The following FUS variants were observed in gnomAD, a reference collection of about 807,000 sequenced individuals.
The protein encoded by FUS is RNA-binding protein FUS.
FUS carries 5 observed loss-of-function variants against 82.7 expected under a neutral mutation model. The observed-to-expected ratio is 0.06, with a 90% CI of 0.03 to 0.13. The LOEUF (loss-of-function observed/expected upper bound fraction) is 0.13. FUS is among the 10% of genes least tolerant of loss of function. The pLI is 1.00. For synonymous variants in FUS, 281 were observed against 247.4 expected (o/e 1.14, Z -1.27); for missense variants, 512 against 707.8 (o/e 0.72, Z 3.14).
In FUS at chr16:31,185,081, TGGCGGCGGC is replaced by T. The variant is rs72550890; in HGVS notation, c.678_686del (p.Gly229_Gly231del). The T allele has an allele frequency of 2.6e-4, 420 of 1,607,566 alleles. 2 individuals carry two copies. The highest frequency in any genetic ancestry group is 7.8e-4 in the East Asian group (35 of 44,686). ...GAGGCCGCGGCAGGGGTGGCAGTGG[TGGCGGCGGC>T]GGCGGCGGCGGTGGTGGTTACAACC... On this transcript the variant is annotated inframe_deletion, in exon 6 of 15. Coordinates refer to ENST00000254108, the MANE Select transcript of FUS (RefSeq NM_004960.4).
chr16:31,185,075 C>G lies in FUS; in HGVS notation c.660C>G (p.Gly220=), dbSNP rs936766966. 6.8e-5 allele frequency: 110 copies of G among 1,609,824 alleles called. 3 individuals carry two copies. The South Asian group carries it at 1.2e-3, about 18-fold the overall frequency. ...QQDRGGRGRG[G]SGGGGGGGGG... ...ACCGTGGAGGCCGCGGCAGGGGTGG[C>G]AGTGGTGGCGGCGGCGGCGGCGGCG... Residue 220 remains glycine (G), a synonymous_variant, in exon 6 of 15, where the codon GGC becomes GGG. Transcript: ENST00000254108.
rs748582374 is a variant in FUS at position 31,180,141 on chromosome 16, T to G, written c.-74T>G. Reference sequence around the variant, plus strand: ...GCTTCGACGCAGGAGGCGGGGCTGCTCAGTCCTCCAGGCGTCGGTACTCAG... The same window carrying G: ...GCTTCGACGCAGGAGGCGGGGCTGCGCAGTCCTCCAGGCGTCGGTACTCAG... On this transcript the variant is annotated 5_prime_UTR_variant, in exon 1 of 15. Transcript: ENST00000254108. 1.1e-5 allele frequency: 18 copies of G among 1,579,098 alleles called. No individual in the cohort carries two copies. The highest frequency in any genetic ancestry group is 1.8e-5 in the Admixed American group (1 of 54,616).
downstream of FUS, chr16:31,194,847 A>G (rs1178346649): frequency 4.2e-6 from 2 of 476,438 alleles, no homozygotes; most frequent in Non-Finnish European, 8.4e-6. Flanking sequence ...ACAAAAAATG[A>G]TTGACTTCAG....
rs1170354879 is a variant in FUS at position 31,190,074 on chromosome 16, A to G, written c.1101A>G (p.Ser367=). 8 of 1,613,668 alleles carry G rather than the reference A, an allele frequency of 5.0e-6. No homozygotes were observed. Among genetic ancestry groups the G allele is most frequent in the Admixed American group, 1.7e-5 (1 of 59,950 alleles). ...KEFSGNPIKV[S]FATRRADFNR... is the part of the protein sequence containing the mutation. ...TCTCCGGAAATCCTATCAAGGTCTC[A>G]TTTGCTACTCGCCGGGCAGACTTTA... Residue 367 remains serine, a synonymous_variant, in exon 11 of 15, where the codon TCA becomes TCG. Transcript: ENST00000254108.
intron 8 of FUS, 122 bp downstream of exon 8, chr16:31,188,479 T>C: frequency 9.9e-7 from 1 of 1,014,104 alleles, no homozygotes; most frequent in Non-Finnish European, 1.6e-6. Context: ...GGAAGGGAGT[T>C]AGGTGTGTCC....
At chr16:31,191,623 C>A, downstream of FUS, 1 of 733,186 alleles carries the variant, frequency 1.4e-6, no homozygotes, top group South Asian at 1.5e-5. Flanking sequence ...CCTCTTCCCC[C>A]TTTTCACTTT....
At chr16:31,193,379 C>T (rs755824425), downstream of FUS, 8 of 525,666 alleles carry the variant, frequency 1.5e-5, no homozygotes, top group South Asian at 6.1e-5. Context: ...CAGTTCTCTC[C>T]GTCCCTGCCA....
intron 10 of FUS, 119 bp from the exon 11 acceptor site, chr16:31,189,921 C>T (rs2079327686): frequency 1.3e-6 from 2 of 1,576,192 alleles, no homozygotes; most frequent in East Asian, 4.5e-5. Flanking sequence ...TTCAGGTAGT[C>T]TCATTTTTGC....
Position 31,184,141 on chromosome 16 carries a change from A to G in FUS, c.336-68A>G. 3.1e-6 allele frequency: 5 copies of G among 1,613,884 alleles called. 1 individual carries two copies. The South Asian group carries it at 5.5e-5, about 18-fold the overall frequency. The stretch of plus-strand genomic sequence containing the variant: ...GTGTTGGGTACAGAGAATGGACTCC[A>G]CTAAAAGTGAAAGGAAATTGGGGGC... On this transcript the variant is annotated intron_variant, in intron 4 of 14. Coordinates refer to ENST00000254108, the MANE Select transcript of FUS (RefSeq NM_004960.4).
intron 7 of FUS, chr16:31,187,398 CAT>C: frequency 4.2e-6 from 1 of 237,702 alleles, no homozygotes; most frequent in Non-Finnish European, 8.4e-6. Flanking sequence ...TGGGAAGGAA[CAT>C]GTGCACTACT....
chr16:31,190,185 G>A, intron 11 of FUS, 44 bp downstream of exon 11: 1 of 1,613,900 alleles, frequency 6.2e-7, no homozygotes, highest in Non-Finnish European at 8.5e-7. Context: ...AATGGGGAGA[G>A]TGCAGAAGAT....
chr16:31,183,782 A>G, intron 3 of FUS, 76 bp from the exon 4 acceptor site: 1 of 1,565,774 alleles, frequency 6.4e-7, no homozygotes. Context: ...TATAGGTATT[A>G]TGTTTTCTTT....
chr16:31,193,896 C>T (rs748465842), downstream of FUS: 2 of 528,848 alleles, frequency 3.8e-6, no homozygotes, highest in East Asian at 4.0e-5. Context: ...ACCTGCCTGC[C>T]TCAGCCTCCC....
In FUS at chr16:31,190,760, C is replaced by T; in HGVS notation, c.1311C>T (p.Asn437=). ...TCCTTAGCACCTGTGAGAATATGAA[C>T]TTCTCTTGGAGGAATGAATGCAACC... The part of the protein sequence containing the change: ...KCPNPTCENM[N]FSWRNECNQC... The change falls in exon 13 of 15, where the codon AAC becomes AAT. Residue 437 remains asparagine (N), a synonymous_variant. Coordinates refer to ENST00000254108, the MANE Select transcript of FUS (RefSeq NM_004960.4). The T allele has an allele frequency of 6.2e-7, 1 of 1,614,112 alleles. No individual in the cohort carries two copies. Among genetic ancestry groups the T allele is most frequent in the Non-Finnish European group, 8.5e-7 (1 of 1,179,958 alleles).
chr16:31,184,187 G>T, intron 4 of FUS, 22 bp from the exon 5 acceptor site: 1 of 1,614,160 alleles, frequency 6.2e-7, no homozygotes, highest in Non-Finnish European at 8.5e-7. Context: ...TTGTGATTGT[G>T]TTTTTTGTTT....
chr16:31,194,472 A>G (rs542932211), downstream of FUS: 25 of 498,816 alleles, frequency 5.0e-5, 1 homozygote, highest in South Asian at 3.9e-4. Flanking sequence ...TTTTTTTTGT[A>G]TTTTTTGTGG....
rs1439152844 is a variant in FUS at position 31,180,195 on chromosome 16, C to T, written c.-20C>T. On this transcript the variant is annotated 5_prime_UTR_variant, in exon 1 of 15. Transcript: ENST00000254108. ...TGTTGGAACTTCGTTGCTTGCTTGCCTGTGCGCGCGTGCGCGGACATGGCC... is the reference window on the plus strand; with the variant it reads ...TGTTGGAACTTCGTTGCTTGCTTGCTTGTGCGCGCGTGCGCGGACATGGCC... 5.6e-6 allele frequency: 9 copies of T among 1,610,814 alleles called. No homozygotes were observed. Among genetic ancestry groups the T allele is most frequent in the East Asian group, 2.2e-5 (1 of 44,734 alleles).
Position 31,183,765 on chromosome 16 carries a change from TTA to T in FUS, c.191-91_191-90del, listed in dbSNP as rs1343599807. 1.7e-5 allele frequency: 25 copies of T among 1,498,938 alleles called. No individual in the cohort carries two copies. In the East Asian group the frequency reaches 2.5e-4, roughly 15 times the overall value. 92.9% of individuals were successfully genotyped at this position (1,498,938 alleles called of 1,614,324 possible). A position where few individuals can be genotyped will look rare whatever the true frequency, so the allele number is the denominator to read the frequency against. On this transcript the variant is annotated intron_variant, in intron 3 of 14. Coordinates refer to ENST00000254108, the MANE Select transcript of FUS (RefSeq NM_004960.4). The stretch of plus-strand genomic sequence containing the variant: ...ACTAACAGCTTCTGAGAGGCTGGCT[TTA>T]TGAGTATAGGTATTATGTTTTCTTT...
At chr16:31,181,003 C>T (rs1407942423) in intron 1 of FUS, among the ~76,000 whole-genome samples, 2 of 152,220 alleles carry the variant, frequency 1.3e-5, no homozygotes, top group East Asian at 1.9e-4. Flanking sequence ...ACGTCCACCT[C>T]CTGGGTTCAA....
Sources: gnomAD v4.1 joint callset for allele counts (sites outside exome capture counted in the v4.1 genomes callset) on GRCh38, gnomAD v4.1.1 for gene constraint, MANE v1.5 for transcripts, NCBI Gene and HGNC (gene_info 2026-07-23, HGNC 2026-07-21) for gene names.